The following WWOX variants were observed in gnomAD, a reference collection of about 807,000 sequenced individuals.
The protein encoded by WWOX is WW domain containing oxidoreductase, also known as WW domain-containing oxidoreductase.
In WWOX, 69 loss-of-function variants were observed where a neutral mutation model predicts 46.2. That is an observed-to-expected ratio of 1.49 (90% CI 1.23 to 1.82). The LOEUF is 1.82. Ranked by LOEUF, WWOX falls within the 40% of genes most tolerant of loss-of-function variation. The probability of loss-of-function intolerance (pLI) is 0.00; values close to 1 mark genes in which losing one functional copy is unlikely to be tolerated. For synonymous variants in WWOX, 359 were observed against 202.6 expected, an observed-to-expected ratio of 1.77 and a Z score of -6.56; for missense variants, 919 against 542.6, an observed-to-expected ratio of 1.69 and a Z score of -6.89.
At chr16:78,597,460 A>G (rs1031591126) in intron 8 of WWOX, among the ~76,000 whole-genome samples, 1 of 152,136 alleles carries the variant, frequency 6.6e-6, no homozygotes, top group Non-Finnish European at 1.5e-5. Context: ...TTTCTGAGCA[A>G]TGTCTTTGGT....
intron 8 of WWOX, among the ~76,000 whole-genome samples, chr16:79,113,248 C>T (rs1042231035): frequency 6.6e-6 from 1 of 152,122 alleles, no homozygotes; most frequent in Admixed American, 6.5e-5. Flanking sequence ...AAAAGCCATC[C>T]CAGGGTGCGT....
intron 8 of WWOX, among the ~76,000 whole-genome samples, chr16:78,451,231 C>A (rs1468777925): frequency 6.6e-6 from 1 of 152,078 alleles, no homozygotes; most frequent in African/African-American, 2.4e-5. Context: ...AGGGATGGGT[C>A]CTCATGTTAG....
chr16:78,268,365 TC>T (rs2151843772), intron 5 of WWOX, among the ~76,000 whole-genome samples: 1 of 152,326 alleles, frequency 6.6e-6, no homozygotes, highest in East Asian at 1.9e-4. Flanking sequence ...TGGGTTGCCA[TC>T]TTGGCCAAGT....
chr16:79,005,339 G>A (rs948465501), intron 8 of WWOX, among the ~76,000 whole-genome samples: 1 of 152,136 alleles, frequency 6.6e-6, no homozygotes, highest in African/African-American at 2.4e-5. Flanking sequence ...TACTCCCCAG[G>A]CTAAGCACAG....
chr16:79,182,397 A>T (rs1189731215), intron 8 of WWOX, among the ~76,000 whole-genome samples: 2 of 151,926 alleles, frequency 1.3e-5, no homozygotes, highest in Non-Finnish European at 2.9e-5. Flanking sequence ...ATTCACATCT[A>T]TATTTTTCCT....
At chr16:78,218,320 G>T (rs1436192647) in intron 5 of WWOX, among the ~76,000 whole-genome samples, 1 of 152,016 alleles carries the variant, frequency 6.6e-6, no homozygotes, top group African/African-American at 2.4e-5. Context: ...AAACTCCTGG[G>T]TTTAAGCAGT....
At chr16:78,387,627 C>G (rs2082088495) in intron 6 of WWOX, among the ~76,000 whole-genome samples, 1 of 151,968 alleles carries the variant, frequency 6.6e-6, no homozygotes, top group Admixed American at 6.6e-5. Flanking sequence ...GGCCTCAAAC[C>G]CTGAAACACT....
rs2044459437 is a variant in WWOX, at chr16:78,562,318, C to G, written c.1056+129566C>G. ...GCTCACTTTATCTCAAAAACCCATG[C>G]ATATTCTGCATCTACTCTGAATTCC... On this transcript the variant is annotated intron_variant, in intron 8 of 8. Coordinates refer to ENST00000566780, the MANE Select transcript of WWOX (RefSeq NM_016373.4). 2.0e-5 allele frequency among the ~76,000 whole-genome samples: 3 copies of G among 152,208 alleles called. No homozygotes were observed. The South Asian group carries it at 6.2e-4, about 32-fold the overall frequency.
chr16:78,292,450 A>G (rs1054090231), intron 5 of WWOX, among the ~76,000 whole-genome samples: 1 of 152,244 alleles, frequency 6.6e-6, no homozygotes, highest in African/African-American at 2.4e-5. Flanking sequence ...CCCAATAAAA[A>G]TGGTAACAAC....
chr16:78,306,207 A>G (rs1230260754), intron 5 of WWOX, among the ~76,000 whole-genome samples: 2 of 152,236 alleles, frequency 1.3e-5, no homozygotes, highest in African/African-American at 2.4e-5. Flanking sequence ...AATGACAAAA[A>G]GAAAAATTTT....
intron 8 of WWOX, among the ~76,000 whole-genome samples, chr16:78,819,137 T>A (rs908600125): frequency 2.6e-5 from 4 of 152,232 alleles, no homozygotes; most frequent in Non-Finnish European, 5.9e-5. Context: ...TCTCAGTCAG[T>A]TGGCCACTGC....
intron 8 of WWOX, among the ~76,000 whole-genome samples, chr16:78,956,608 C>CAT (rs2046172067): frequency 6.7e-6 from 1 of 148,264 alleles, no homozygotes; most frequent in Non-Finnish European, 1.5e-5. Flanking sequence ...TGTATCATAT[C>CAT]ATATCATGTC....
At position 79,109,073 on chromosome 16, in the gene WWOX, G is replaced by A. The variant is rs113723475; in HGVS notation, c.1057-102535G>A. On this transcript the variant is annotated intron_variant, in intron 8 of 8. Coordinates refer to ENST00000566780, the MANE Select transcript of WWOX (RefSeq NM_016373.4). ...GTGTTGTCTTTGTGTCCGTGAGCAT[G>A]TGTGTGTGCCCTGGGTTCCTCTCCC... 1.5e-3 allele frequency among the ~76,000 whole-genome samples: 230 copies of A among 152,210 alleles called. 1 individual carries two copies. The highest frequency in any genetic ancestry group is 2.6e-3 in the Non-Finnish European group (178 of 68,020).
In WWOX at chr16:79,145,236, A is replaced by G. The variant is rs998823052; in HGVS notation, c.1057-66372A>G. ...AATTAAAGAACAATTTTATGGTTCT[A>G]TCAGTGATGCCAAAAAAGCATTTGC... On this transcript the variant is annotated intron_variant, in intron 8 of 8. Transcript: ENST00000566780. Among the ~76,000 whole-genome samples, 6 of 152,212 alleles carry G rather than the reference A, an allele frequency of 3.9e-5. 1 individual carries two copies. The highest frequency in any genetic ancestry group is 1.3e-4 in the Admixed American group (2 of 15,280).
Position 78,318,752 on chromosome 16 carries a change from G to A in WWOX, c.517-68108G>A, listed in dbSNP as rs143504212. Among the ~76,000 whole-genome samples, 6 of 152,214 alleles carry A rather than the reference G, an allele frequency of 3.9e-5. No homozygotes were observed. In the East Asian group the frequency reaches 1.2e-3, roughly 29 times the overall value. ...TTAAAAATTATTTTAACACTATTCTGATATAGGAAGTTAAAAAATAGCACA... is the reference window on the plus strand; with the variant it reads ...TTAAAAATTATTTTAACACTATTCTAATATAGGAAGTTAAAAAATAGCACA... On this transcript the variant is annotated intron_variant, in intron 5 of 8. Coordinates refer to ENST00000566780, the MANE Select transcript of WWOX (RefSeq NM_016373.4).
intron 5 of WWOX, among the ~76,000 whole-genome samples, chr16:78,332,339 C>T (rs1248775684): frequency 6.6e-6 from 1 of 152,140 alleles, no homozygotes; most frequent in African/African-American, 2.4e-5. Context: ...TAAGAAACAC[C>T]CCAGTGGATT....
At chr16:78,557,419 C>T (rs895088871) in intron 8 of WWOX, among the ~76,000 whole-genome samples, 4 of 152,144 alleles carry the variant, frequency 2.6e-5, no homozygotes, top group Non-Finnish European at 4.4e-5. Context: ...CAGATGTTAG[C>T]ACGTGCAGGC....
At chr16:78,327,865 C>T (rs993527059) in intron 5 of WWOX, among the ~76,000 whole-genome samples, 5 of 141,768 alleles carry the variant, frequency 3.5e-5, no homozygotes, top group Admixed American at 7.5e-5. Flanking sequence ...CTGAATGAGT[C>T]CTGATTTTTT....
chr16:78,943,576 G>A (rs192673116), intron 8 of WWOX, among the ~76,000 whole-genome samples: 104 of 152,300 alleles, frequency 6.8e-4, no homozygotes, highest in Non-Finnish European at 1.2e-3. Flanking sequence ...CCATTGATCA[G>A]TCCTGGGAAA....
Sources: allele counts gnomAD v4.1 joint callset (sites outside exome capture counted in the v4.1 genomes callset), GRCh38; gene constraint gnomAD v4.1.1; transcripts MANE v1.5; gene names NCBI Gene and HGNC (gene_info 2026-07-23, HGNC 2026-07-21).